GRK3: variants seen among roughly 807,000 people sequenced by gnomAD.
GRK3 encodes G protein-coupled receptor kinase 3.
GRK3 carries 54 observed loss-of-function variants against 95.7 expected under a neutral mutation model. The observed-to-expected ratio is 0.56, with a 90% confidence interval of 0.45 to 0.71. The LOEUF is 0.71. Ranked by LOEUF, GRK3 falls within the 30% of genes least tolerant of loss-of-function variation. The pLI is 0.00. For missense variants in GRK3, 649 were observed against 851.2 expected (o/e 0.76, Z 2.96); for synonymous variants, 281 against 290.8 (o/e 0.97, Z 0.34).
intron 2 of GRK3, among the ~76,000 whole-genome samples, chr22:25,639,705 C>G (rs912268906): frequency 2.0e-5 from 3 of 151,980 alleles, no homozygotes; most frequent in Admixed American, 6.6e-5. Context: ...TTTAAAAAGG[C>G]CTGTTGGAGT....
intron 2 of GRK3, among the ~76,000 whole-genome samples, chr22:25,613,329 C>T (rs1421001230): frequency 3.3e-5 from 5 of 151,206 alleles, no homozygotes; most frequent in African/African-American, 4.9e-5. Context: ...CCCACCCTGC[C>T]TTATCTGTAA....
At chr22:25,593,134 G>A (rs990820528) in intron 1 of GRK3, among the ~76,000 whole-genome samples, 2 of 137,406 alleles carry the variant, frequency 1.5e-5, no homozygotes, top group African/African-American at 7.0e-5. Flanking sequence ...ATGAGTGCAT[G>A]TGGTTTTTTT....
chr22:25,665,026 A>T (rs2084932706), intron 5 of GRK3, among the ~76,000 whole-genome samples: 1 of 152,178 alleles, frequency 6.6e-6, no homozygotes, highest in Non-Finnish European at 1.5e-5. Flanking sequence ...CATTGACCTG[A>T]CCTGGCTTTG....
intron 11 of GRK3, 40 bp from the exon 12 acceptor site, chr22:25,690,149 T>C (rs765227139): frequency 6.6e-7 from 1 of 1,505,678 alleles, no homozygotes; most frequent in East Asian, 2.3e-5. Context: ...TGCATGGCAT[T>C]TGGGGCACTC....
chr22:25,665,224 A>G (rs2084934217), intron 5 of GRK3, among the ~76,000 whole-genome samples: 1 of 152,206 alleles, frequency 6.6e-6, no homozygotes, highest in Admixed American at 6.5e-5. Context: ...AATGTTAGCT[A>G]TTATCACACA....
At position 25,718,160 on chromosome 22, in the gene GRK3, T is replaced by C. The variant is rs538841546; in HGVS notation, c.1655-85T>C. On this transcript the variant is annotated intron_variant, in intron 18 of 20. Coordinates refer to ENST00000324198, the MANE Select transcript of GRK3 (RefSeq NM_005160.4). The stretch of plus-strand genomic sequence containing the variant: ...AGAAACCTGCTTTTTCCAAAAAGCA[T>C]GTCTGTTCTTTTTTCAGAGAATAAT... The C allele has an allele frequency of 7.9e-5, 114 of 1,447,916 alleles. 2 individuals carry two copies. In the South Asian group the frequency reaches 1.4e-3, roughly 18 times the overall value. 89.7% of individuals were successfully genotyped at this position (1,447,916 alleles called of 1,614,324 possible).
chr22:25,679,452 T>A (rs553961315), intron 9 of GRK3, among the ~76,000 whole-genome samples: 1 of 152,374 alleles, frequency 6.6e-6, no homozygotes, highest in South Asian at 2.1e-4. Flanking sequence ...TTCTACTTAT[T>A]GGACACTTTC....
intron 1 of GRK3, among the ~76,000 whole-genome samples, chr22:25,599,690 T>A (rs1311019688): frequency 6.6e-6 from 1 of 151,900 alleles, no homozygotes; most frequent in African/African-American, 2.4e-5. Flanking sequence ...AAGATACCAG[T>A]CCTCCTCAAA....
intron 1 of GRK3, chr22:25,580,541 T>A (rs575470184): frequency 6.6e-6 from 1 of 152,332 alleles, no homozygotes; most frequent in African/African-American, 2.4e-5. Flanking sequence ...TATTGATTGA[T>A]TGATTGATTG....
chr22:25,647,733 A>T (rs2084796104), intron 3 of GRK3: 1 of 1,287,368 alleles, frequency 7.8e-7, no homozygotes, highest in Non-Finnish European at 1.1e-6. Flanking sequence ...AGGCAGAAGA[A>T]TGGTATTTTG....
chr22:25,576,157 T>C (rs1490123835), intron 1 of GRK3, among the ~76,000 whole-genome samples: 1 of 152,036 alleles, frequency 6.6e-6, no homozygotes, highest in Non-Finnish European at 1.5e-5. Flanking sequence ...GGAGCCTACG[T>C]GCCCAGCGTC....
intron 2 of GRK3, among the ~76,000 whole-genome samples, chr22:25,618,303 T>C (rs2084555335): frequency 6.6e-6 from 1 of 152,236 alleles, no homozygotes; most frequent in East Asian, 1.9e-4. Context: ...GTTTGCGATG[T>C]CTTTTTGAGG....
chr22:25,663,740 T>C (rs1421759244), intron 5 of GRK3, 36 bp downstream of exon 5: 8 of 1,455,386 alleles, frequency 5.5e-6, no homozygotes, highest in Non-Finnish European at 7.7e-6. Flanking sequence ...ATAGATAATA[T>C]TTGCTTAACA....
chr22:25,690,171 T>G lies in GRK3; in HGVS notation c.958-18T>G, dbSNP rs2085153768. 1.3e-6 allele frequency: 2 copies of G among 1,598,566 alleles called. No homozygotes were observed. Among genetic ancestry groups the G allele is most frequent in the Admixed American group, 3.3e-5 (2 of 59,918 alleles). On this transcript the variant is annotated intron_variant, in intron 11 of 20. Coordinates refer to ENST00000324198, the MANE Select transcript of GRK3 (RefSeq NM_005160.4). ...CATTTGGGGCACTCTTATTAAAGAT[T>G]ATTCTCTTTCTGTTTAGCCAGCAAA... is the stretch of plus-strand genomic sequence containing the variant.
intron 2 of GRK3, among the ~76,000 whole-genome samples, chr22:25,619,331 A>G (rs1390342784): frequency 6.6e-6 from 1 of 152,178 alleles, no homozygotes; most frequent in Non-Finnish European, 1.5e-5. Context: ...GACCCTGTGC[A>G]GATCATTCTT....
intron 17 of GRK3, among the ~76,000 whole-genome samples, chr22:25,711,615 C>G (rs760174422): frequency 3.3e-5 from 5 of 151,830 alleles, no homozygotes; most frequent in Admixed American, 6.6e-5. Flanking sequence ...TAATACAATC[C>G]TCTGCATTTT....
intron 2 of GRK3, among the ~76,000 whole-genome samples, chr22:25,624,903 A>T (rs1032174209): frequency 2.0e-5 from 3 of 151,436 alleles, no homozygotes; most frequent in Admixed American, 6.6e-5. Context: ...AAGAGTGTAT[A>T]TTAGATGATG....
intron 1 of GRK3, among the ~76,000 whole-genome samples, chr22:25,591,131 A>G (rs953830746): frequency 2.0e-5 from 3 of 152,096 alleles, no homozygotes; most frequent in Non-Finnish European, 4.4e-5. Flanking sequence ...CCACAAATTC[A>G]CGGGCTCCCA....
At position 25,727,082 on chromosome 22, in the gene GRK3, G is replaced by A. The variant is rs2085480755; in HGVS notation, c.*4632G>A. The A allele has an allele frequency of 3.3e-5, 5 of 152,056 alleles. No individual in the cohort carries two copies. Among genetic ancestry groups the A allele is most frequent in the Admixed American group, 3.3e-4 (5 of 15,250 alleles). 9.4% of individuals were successfully genotyped at this position (152,056 alleles called of 1,614,324 possible). A position where few individuals can be genotyped will look rare whatever the true frequency, so the allele number is the denominator to read the frequency against. On this transcript the variant is annotated 3_prime_UTR_variant, in exon 21 of 21. Transcript: ENST00000324198. The stretch of plus-strand genomic sequence containing the variant: ...CTGGTAAAACTGTCAAGAGTAACAG[G>A]CCTCTTCTGTTCTACCCTGCTCACT...
Sources: allele counts gnomAD v4.1 joint callset (sites outside exome capture counted in the v4.1 genomes callset), GRCh38; gene constraint gnomAD v4.1.1; transcripts MANE v1.5; gene names NCBI Gene and HGNC (gene_info 2026-07-23, HGNC 2026-07-21).